The following TRAF5 variants were observed in gnomAD, a reference collection of about 807,000 sequenced individuals.
The protein encoded by TRAF5 is TNF receptor associated factor 5.
Under a neutral mutation model 64.5 loss-of-function variants are expected in TRAF5, and 48 were observed. The observed-to-expected ratio is 0.74, with a 90% CI of 0.59 to 0.95. TRAF5 has a LOEUF of 0.95. Ranked by LOEUF, TRAF5 falls within the 40% of genes least tolerant of loss-of-function variation. The pLI is 0.00. For missense variants in TRAF5, 545 were observed against 662.8 expected (o/e 0.82, Z 1.95); for synonymous variants, 206 against 240.5 (o/e 0.86, Z 1.33).
Position 211,353,697 on chromosome 1 carries a change from A to G in TRAF5, c.218+240A>G, listed in dbSNP as rs939778356. ...TCAGACTGTACCTGCTTTGCATGGG[A>G]CAGCAGACCTAGACACACACTCCAT... On this transcript the variant is annotated intron_variant, in intron 2 of 10. Transcript: ENST00000261464. 3.6e-5 allele frequency: 19 copies of G among 526,804 alleles called. No homozygotes were observed. The Admixed American group carries it at 4.7e-4, about 13-fold the overall frequency. The allele number at this position is 526,804 out of a possible 1,614,324, so 32.6% of individuals were successfully genotyped here.
At chr1:211,337,848 G>A (rs1702344567) in intron 1 of TRAF5, among the ~76,000 whole-genome samples, 1 of 152,176 alleles carries the variant, frequency 6.6e-6, no homozygotes, top group Non-Finnish European at 1.5e-5. Context: ...GGGAGGAGCA[G>A]GTTGGGTGGG....
intron 7 of TRAF5, among the ~76,000 whole-genome samples, chr1:211,361,966 G>A (rs1369827030): frequency 6.6e-6 from 1 of 151,934 alleles, no homozygotes; most frequent in Non-Finnish European, 1.5e-5. Flanking sequence ...CAAAGTGCTG[G>A]GATTACAGCA....
At chr1:211,355,073 C>T (rs1387614552) in intron 3 of TRAF5, among the ~76,000 whole-genome samples, 3 of 151,404 alleles carry the variant, frequency 2.0e-5, no homozygotes, top group African/African-American at 7.3e-5. Flanking sequence ...CTTGGGAGGC[C>T]GAGGCACAAG....
intron 1 of TRAF5, among the ~76,000 whole-genome samples, chr1:211,336,553 C>T (rs893383684): frequency 2.0e-5 from 3 of 152,256 alleles, no homozygotes; most frequent in Admixed American, 1.3e-4. Context: ...CAGTGAGAAG[C>T]GTGCTTAGCA....
intron 1 of TRAF5, among the ~76,000 whole-genome samples, chr1:211,339,997 G>C (rs1410193894): frequency 6.6e-6 from 1 of 152,196 alleles, no homozygotes; most frequent in East Asian, 1.9e-4. Flanking sequence ...GAATGATGTT[G>C]ACCTTTGGTA....
chr1:211,342,222 A>G (rs1461641805), intron 1 of TRAF5, among the ~76,000 whole-genome samples: 1 of 152,244 alleles, frequency 6.6e-6, no homozygotes, highest in Non-Finnish European at 1.5e-5. Context: ...GTGATGGGCC[A>G]ACCCCTGATG....
At chr1:211,338,375 TA>T in intron 1 of TRAF5, among the ~76,000 whole-genome samples, 1 of 152,308 alleles carries the variant, frequency 6.6e-6, no homozygotes, top group Non-Finnish European at 1.5e-5. Flanking sequence ...TGCATATGCA[TA>T]CGCATATCCC....
chr1:211,346,427 G>A (rs1558136353), intron 1 of TRAF5: 2 of 985,300 alleles, frequency 2.0e-6, no homozygotes, highest in Non-Finnish European at 2.4e-6. Flanking sequence ...TGGATGGTGA[G>A]TGGCAGAGCA....
chr1:211,361,106 G>A lies in TRAF5; in HGVS notation c.640G>A (p.Val214Ile). 1.2e-6 allele frequency: 2 copies of A among 1,614,142 alleles called. No homozygotes were observed. The highest frequency in any genetic ancestry group is 1.3e-5 in the African/African-American group (1 of 75,052). ...TTCGTAGGTAGATGAACACCTGGCTGTATGTCCTGAAGCTGAGCAAGACTG... is the reference window on the plus strand; with the variant it reads ...TTCGTAGGTAGATGAACACCTGGCTATATGTCCTGAAGCTGAGCAAGACTG... ...LKTEVDEHLA[V>I]CPEAEQDCPF... is the part of the protein sequence containing the mutation. Residue 214 changes from valine (V) to isoleucine (I), a missense_variant, in exon 7 of 11, where the codon GTA (valine) becomes ATA (isoleucine). Transcript: ENST00000261464.
At chr1:211,330,696 C>T (rs1702135081) in intron 1 of TRAF5, among the ~76,000 whole-genome samples, 1 of 152,210 alleles carries the variant, frequency 6.6e-6, no homozygotes, top group Non-Finnish European at 1.5e-5. Flanking sequence ...ACCTGGTACT[C>T]CTCAGTCACC....
Position 211,372,272 on chromosome 1 carries a change from TGAA to T in TRAF5, c.1250_1252del (p.Lys417del). On this transcript the variant is annotated inframe_deletion, in exon 11 of 11. Coordinates refer to ENST00000261464, the MANE Select transcript of TRAF5 (RefSeq NM_001033910.3). ...ATTTGGAAGGTGACAGATTACAAGA[TGAA>T]GAAGAGAGAGGCGGTGGATGGGCAC... 1.9e-6 allele frequency: 3 copies of T among 1,614,168 alleles called. No homozygotes were observed. Among genetic ancestry groups the T allele is most frequent in the Non-Finnish European group, 1.7e-6 (2 of 1,180,020 alleles).
At chr1:211,330,525 C>G (rs1467789918) in intron 1 of TRAF5, among the ~76,000 whole-genome samples, 1 of 152,150 alleles carries the variant, frequency 6.6e-6, no homozygotes, top group African/African-American at 2.4e-5. Context: ...CCCCCACAAG[C>G]TGAGTTTTCT....
chr1:211,358,542 C>G (rs1001542957), intron 4 of TRAF5: 33 of 149,548 alleles, frequency 2.2e-4, no homozygotes, highest in African/African-American at 8.1e-4. Context: ...AACCCTGTCT[C>G]TACTAAAAAT....
chr1:211,372,867 A>G lies in TRAF5; in HGVS notation c.*165A>G. The G allele has an allele frequency of 5.1e-6, 3 of 590,650 alleles. No homozygotes were observed. Among genetic ancestry groups the G allele is most frequent in the African/African-American group, 1.9e-5 (1 of 53,920 alleles). 36.6% of individuals were successfully genotyped at this position (590,650 alleles called of 1,614,324 possible). A position where few individuals can be genotyped will look rare whatever the true frequency, so the allele number is the denominator to read the frequency against. On this transcript the variant is annotated 3_prime_UTR_variant, in exon 11 of 11. Coordinates refer to ENST00000261464, the MANE Select transcript of TRAF5 (RefSeq NM_001033910.3). ...AACTTCTGAAGTGCTGTCTTTTTAC[A>G]TTTTACTCTGTCCCAGTTTGAAACT... is the stretch of plus-strand genomic sequence containing the variant.
At chr1:211,371,559 A>C (rs1703523164) in intron 10 of TRAF5, 89 bp downstream of exon 10, 2 of 1,296,700 alleles carry the variant, frequency 1.5e-6, no homozygotes, top group Non-Finnish European at 2.2e-6. Context: ...ATAGAGAGTC[A>C]CATCTGTCCA....
chr1:211,351,686 T>C (rs1399560047), intron 1 of TRAF5, among the ~76,000 whole-genome samples: 3 of 152,168 alleles, frequency 2.0e-5, no homozygotes, highest in Non-Finnish European at 4.4e-5. Flanking sequence ...TGATGTGATG[T>C]CCAGTTGTCC....
intron 3 of TRAF5, 142 bp from the exon 4 acceptor site, chr1:211,356,221 TGTAA>T: frequency 1.7e-6 from 1 of 592,222 alleles, no homozygotes; most frequent in East Asian, 3.0e-5. Flanking sequence ...TTCAGTGTGG[TGTAA>T]GTGTGATATT....
chr1:211,333,399 G>A (rs1702210197), intron 1 of TRAF5, among the ~76,000 whole-genome samples: 1 of 152,090 alleles, frequency 6.6e-6, no homozygotes, highest in African/African-American at 2.4e-5. Context: ...ATGCTGGCCA[G>A]GCTGGTCTTG....
intron 1 of TRAF5, among the ~76,000 whole-genome samples, chr1:211,333,341 A>C (rs560084769): frequency 1.7e-4 from 25 of 151,448 alleles, no homozygotes; most frequent in African/African-American, 6.1e-4. Flanking sequence ...GGCGCCTGCC[A>C]CCATGCCTGG....
Sources: allele counts gnomAD v4.1 joint callset (sites outside exome capture counted in the v4.1 genomes callset), GRCh38; gene constraint gnomAD v4.1.1; transcripts MANE v1.5; gene names NCBI Gene and HGNC (gene_info 2026-07-23, HGNC 2026-07-21).